PARP4: variants seen among roughly 807,000 people sequenced by gnomAD.
PARP4 encodes the protein poly(ADP-ribose) polymerase family member 4.
In PARP4, 120 loss-of-function variants were observed where a neutral mutation model predicts 187.7. The observed-to-expected ratio is 0.64, with a 90% CI of 0.55 to 0.74. The LOEUF is 0.74. Ranked by LOEUF, PARP4 falls within the 30% of genes least tolerant of loss-of-function variation. PARP4 has a pLI of 0.00. For synonymous variants in PARP4, 654 were observed against 740.9 expected (o/e 0.88, Z 1.90); for missense variants, 1,836 against 2,070.5 (o/e 0.89, Z 2.20).
chr13:24,507,456 G>A (rs1166771928), intron 1 of PARP4, among the ~76,000 whole-genome samples: 6 of 152,134 alleles, frequency 3.9e-5, no homozygotes, highest in Admixed American at 3.9e-4. Flanking sequence ...ACAGAGGTGC[G>A]ACGTCCCCAG....
intron 7 of PARP4, 107 bp from the exon 8 acceptor site, chr13:24,493,840 G>A: frequency 1.9e-6 from 2 of 1,050,306 alleles, no homozygotes; most frequent in Middle Eastern, 2.4e-4. Flanking sequence ...ATTGATTAGA[G>A]CCCAGGAGAG....
intron 27 of PARP4, among the ~76,000 whole-genome samples, chr13:24,445,075 G>C (rs1353544725): frequency 6.6e-6 from 1 of 151,974 alleles, no homozygotes; most frequent in Non-Finnish European, 1.5e-5. Flanking sequence ...CCTCCCCCAG[G>C]AGCCCCACAA....
At chr13:24,487,595 T>C (rs897013320) in intron 10 of PARP4, among the ~76,000 whole-genome samples, 5 of 152,172 alleles carry the variant, frequency 3.3e-5, no homozygotes, top group Admixed American at 6.5e-5. Flanking sequence ...GACCCCACAC[T>C]GGCTCTGAGT....
intron 20 of PARP4, among the ~76,000 whole-genome samples, chr13:24,456,854 C>T (rs924961814): frequency 2.6e-5 from 4 of 151,948 alleles, no homozygotes; most frequent in African/African-American, 7.3e-5. Context: ...GAGCCAAGAT[C>T]GCGCCACTGC....
At chr13:24,483,222 C>T (rs1267911092) in intron 12 of PARP4, among the ~76,000 whole-genome samples, 1 of 151,326 alleles carries the variant, frequency 6.6e-6, no homozygotes. Context: ...CGCGGTGGCT[C>T]ACGCCTGTAA....
At chr13:24,441,242 AT>A (rs1285785018) in intron 30 of PARP4, among the ~76,000 whole-genome samples, 2 of 152,052 alleles carry the variant, frequency 1.3e-5, no homozygotes, top group Non-Finnish European at 2.9e-5. Context: ...GGCTGAAGTG[AT>A]TTTTCCCACC....
chr13:24,492,435 C>A lies in PARP4; in HGVS notation c.1039G>T (p.Ala347Ser), dbSNP rs1868708687. 6.2e-7 allele frequency: 1 copy of A among 1,612,834 alleles called. No homozygotes were observed. The highest frequency in any genetic ancestry group is 1.7e-5 in the Admixed American group (1 of 59,846). Residue 347 changes from alanine to serine, a missense_variant, in exon 9 of 34, where the codon GCA (alanine) becomes TCA (serine). By Grantham distance (99) the Ala-to-Ser change is moderately conservative (BLOSUM62 1). Coordinates refer to ENST00000381989, the MANE Select transcript of PARP4 (RefSeq NM_006437.4). The stretch of plus-strand genomic sequence containing the variant: ...CAGAGGTTTACCTGGCAGAGGTCTG[C>A]TTTCTTAGCCAATAGTCCCAGGTTC... ...EVNLGLLAKK[A>S]DLCQLIRDMV...
In PARP4 at chr13:24,455,614, C is replaced by CTTTTT. The variant is rs1233823030; in HGVS notation, c.2563-407_2563-403dup. Among the ~76,000 whole-genome samples the CTTTTT allele has an allele frequency of 1.2e-3, 134 of 116,270 alleles. 2 individuals are homozygous for CTTTTT. Among genetic ancestry groups the CTTTTT allele is most frequent in the African/African-American group, 4.3e-3 (130 of 30,494 alleles). 76.3% of individuals were successfully genotyped at this position (116,270 alleles called of 152,430 possible). A position where few individuals can be genotyped will look rare whatever the true frequency, so the allele number is the denominator to read the frequency against. On this transcript the variant is annotated intron_variant, in intron 21 of 33. Transcript: ENST00000381989. ...ATTTAACTACTATCATGTAAGTTTC[C>CTTTTT]TTTTTTTTTTTTTTTTTTTTTGAGA...
chr13:24,489,117 A>G (rs775011012), intron 10 of PARP4, among the ~76,000 whole-genome samples: 48 of 152,158 alleles, frequency 3.2e-4, no homozygotes, highest in Non-Finnish European at 5.7e-4. Flanking sequence ...ATATTCATGT[A>G]CAAGTACCTA....
Position 24,429,385 on chromosome 13 carries a change from A to G in PARP4, c.4846+1992T>C, listed in dbSNP as rs140112475. On this transcript the variant is annotated intron_variant, in intron 32 of 33. Coordinates refer to ENST00000381989, the MANE Select transcript of PARP4 (RefSeq NM_006437.4). ...GTCCTGCTTCTTCGTATGTTATTAA[A>G]TTTTCATTCCATACTGAACATTAAA... Among the ~76,000 whole-genome samples the G allele has an allele frequency of 5.3e-3, 807 of 152,176 alleles. 5 individuals are homozygous for G. Among genetic ancestry groups the G allele is most frequent in the African/African-American group, 0.018 (763 of 41,498 alleles).
At chr13:24,495,938 GCTT>G (rs1331815251) in intron 6 of PARP4, among the ~76,000 whole-genome samples, 1 of 149,922 alleles carries the variant, frequency 6.7e-6, no homozygotes, top group Non-Finnish European at 1.5e-5. Context: ...AGGTGGACAG[GCTT>G]CTCTGCTCAG....
rs936378801 is a variant in PARP4 at position 24,475,687 on chromosome 13, C to T, written c.1790-91G>A. 7.9e-6 allele frequency: 10 copies of T among 1,272,112 alleles called. No individual in the cohort carries two copies. In the African/African-American group the frequency reaches 8.9e-5, roughly 11 times the overall value. The allele number at this position is 1,272,112 out of a possible 1,614,324, so 78.8% of individuals were successfully genotyped here. A position where few individuals can be genotyped will look rare whatever the true frequency, so the allele number is the denominator to read the frequency against. On this transcript the variant is annotated intron_variant, in intron 14 of 33. Transcript: ENST00000381989. The stretch of plus-strand genomic sequence containing the variant: ...TTTATTCCTTCTTCAAGCCTTCATG[C>T]ATTTTATTTTAGGGAAAATGGGCAA...
At chr13:24,438,043 C>G (rs1226077363) in intron 30 of PARP4, among the ~76,000 whole-genome samples, 1 of 152,148 alleles carries the variant, frequency 6.6e-6, no homozygotes, top group Non-Finnish European at 1.5e-5. Flanking sequence ...CAGGTATGAG[C>G]CACCGTGCCT....
intron 20 of PARP4, among the ~76,000 whole-genome samples, chr13:24,457,067 C>G (rs1871897467): frequency 6.6e-6 from 1 of 151,620 alleles, no homozygotes; most frequent in South Asian, 2.1e-4. Context: ...ATAGATCTAC[C>G]CATTCAGTTA....
rs754240965 is a variant in PARP4, at chr13:24,460,151, T to C, written c.2134-15A>G. ...GTAAAAACGTCCTGAAACAGAAACA[T>C]ATGACTTAGCTTCCAACTTGAAAGC... On this transcript the variant is annotated splice_polypyrimidine_tract_variant and intron_variant, in intron 17 of 33. Transcript: ENST00000381989. 65 of 1,606,720 alleles carry C rather than the reference T, an allele frequency of 4.0e-5. No homozygotes were observed. In the South Asian group the frequency reaches 6.3e-4, roughly 16 times the overall value.
chr13:24,501,687 G>C lies in PARP4; in HGVS notation c.280C>G (p.Pro94Ala), dbSNP rs762555659. The change falls in exon 3 of 34, where the codon CCT becomes GCT. Residue 94 changes from proline (P) to alanine (A), a missense_variant. By Grantham distance (27) the Pro-to-Ala change is conservative. Coordinates refer to ENST00000381989, the MANE Select transcript of PARP4 (RefSeq NM_006437.4). ...GGTGTGATGTCCAGGGGCTTATAAGGATCATAATTCTTTACATCCAAGAGT... is the reference window on the plus strand; with the variant it reads ...GGTGTGATGTCCAGGGGCTTATAAGCATCATAATTCTTTACATCCAAGAGT... ...KRLLDVKNYD[P>A]YKPLDITPPP... The C allele has an allele frequency of 5.0e-6, 8 of 1,613,256 alleles. No homozygotes were observed. Among genetic ancestry groups the C allele is most frequent in the Non-Finnish European group, 6.8e-6 (8 of 1,179,406 alleles).
At chr13:24,506,005 C>T (rs1431147775) in intron 1 of PARP4, among the ~76,000 whole-genome samples, 3 of 152,254 alleles carry the variant, frequency 2.0e-5, no homozygotes, top group African/African-American at 7.2e-5. Flanking sequence ...TCACCTCCCA[C>T]TCCTACAGGC....
Position 24,492,463 on chromosome 13 carries a change from T to C in PARP4, c.1011A>G (p.Glu337=), listed in dbSNP as rs750405238. 5.6e-6 allele frequency: 9 copies of C among 1,614,116 alleles called. No homozygotes were observed. Among genetic ancestry groups the C allele is most frequent in the Admixed American group, 1.7e-5 (1 of 60,020 alleles). The change falls in exon 9 of 34, where the codon GAA becomes GAG. Residue 337 remains glutamate, a synonymous_variant. Transcript: ENST00000381989. ...TCTTAGCCAATAGTCCCAGGTTCAC[T>C]TCTTTGGGCATTGTGCCTTTGTGAG... ...LIPHKGTMPK[E]VNLGLLAKKA...
intron 13 of PARP4, 54 bp from the exon 14 acceptor site, chr13:24,477,911 G>A: frequency 7.6e-7 from 1 of 1,311,910 alleles, no homozygotes; most frequent in Non-Finnish European, 1.1e-6. Context: ...CAAAAAACCT[G>A]TATTGGCAGA....
Sources: allele counts gnomAD v4.1 joint callset (sites outside exome capture counted in the v4.1 genomes callset), GRCh38; gene constraint gnomAD v4.1.1; transcripts MANE v1.5; gene names NCBI Gene and HGNC (gene_info 2026-07-23, HGNC 2026-07-21).